The following RAI1 variants were observed in gnomAD, a reference collection of about 807,000 sequenced individuals.
RAI1 encodes retinoic acid-induced protein 1.
A neutral mutation model predicts 123.8 loss-of-function variants in RAI1; 9 were observed. The ratio of observed to expected loss-of-function variants is 0.07; its 90% confidence interval spans 0.04 to 0.13. RAI1 has a LOEUF of 0.13. Ranked by LOEUF, RAI1 falls within the 10% of genes least tolerant of loss-of-function variation. RAI1 has a pLI of 1.00. For synonymous variants in RAI1, 1,231 were observed against 1,127.3 expected (o/e 1.09, Z -1.84); for missense variants, 2,256 against 2,545.8 (o/e 0.89, Z 2.45).
At chr17:17,778,508 A>T in intron 2 of RAI1, 1 of 348,118 alleles carries the variant, frequency 2.9e-6, no homozygotes, top group Non-Finnish European at 5.7e-6. Context: ...GCCCAAGGTC[A>T]CCCAGCATAT....
At chr17:17,725,265 T>C (rs560810955) in intron 2 of RAI1, among the ~76,000 whole-genome samples, 437 of 152,220 alleles carry the variant, frequency 2.9e-3, no homozygotes, top group Non-Finnish European at 4.8e-3. Context: ...CTCAGCCTCC[T>C]CCCCTCTGGT....
In RAI1 at chr17:17,797,493, C is replaced by T. The variant is rs776140898; in HGVS notation, c.4545C>T (p.Pro1515=). ...GLASQPPEGR[P]CQPQTRAQKQ... ...CCTCCCAGCCCCCGGAGGGCAGGCC[C>T]TGCCAGCCCCAGACAAGGGCACAGA... Residue 1515 remains proline, a synonymous_variant, in exon 3 of 6, where the codon CCC becomes CCT. Coordinates refer to ENST00000353383, the MANE Select transcript of RAI1 (RefSeq NM_030665.4). The T allele has an allele frequency of 9.3e-6, 15 of 1,613,224 alleles. No individual in the cohort carries two copies. In the Admixed American group the frequency reaches 1.0e-4, roughly 11 times the overall value.
rs1043490917 is a variant in RAI1 at position 17,714,726 on chromosome 17, C to G, written c.-148-9302C>G. On this transcript the variant is annotated intron_variant, in intron 1 of 5. Coordinates refer to ENST00000353383, the MANE Select transcript of RAI1 (RefSeq NM_030665.4). The surrounding 1 kb of genome is among the most constrained non-coding windows in gnomAD (Gnocchi z 4.9). ...TGAGCAGCAGGCAGCCTCTCCCCTG[C>G]AGAAGGGCACAGAAGCAGGACTGGA... is the stretch of plus-strand genomic sequence containing the variant. Among the ~76,000 whole-genome samples, 3 of 152,184 alleles carry G rather than the reference C, an allele frequency of 2.0e-5. No individual in the cohort carries two copies. The highest frequency in any genetic ancestry group is 4.4e-5 in the Non-Finnish European group (3 of 68,032).
intron 2 of RAI1, among the ~76,000 whole-genome samples, chr17:17,761,250 CT>C (rs56047340): frequency 0.48 from 69,610 of 145,802 alleles, 17,591 homozygotes; most frequent in Non-Finnish European, 0.61. Flanking sequence ...TCTTCTAAGG[CT>C]TTTTTTTTTT....
intron 2 of RAI1, among the ~76,000 whole-genome samples, chr17:17,785,515 A>G (rs571770136): frequency 3.3e-5 from 5 of 152,160 alleles, no homozygotes; most frequent in East Asian, 1.9e-4. Flanking sequence ...TGTACCATCA[A>G]TTATGTAATT....
rs1402694915 is a variant in RAI1 at position 17,799,727 on chromosome 17, TCAGTGACC to T, written c.5565+1218_5565+1225del. On this transcript the variant is annotated intron_variant, in intron 3 of 5. Coordinates refer to ENST00000353383, the MANE Select transcript of RAI1 (RefSeq NM_030665.4). This position sits in a 1 kb window ranked among gnomAD's most constrained non-coding sequence, Gnocchi z 4.5. ...CAAACACTGCCTGCATCTGAGTGATTCAGTGACCCAGCACAGTGGCCCCAGCCGGTGGC... is the reference window on the plus strand; with the variant it reads ...CAAACACTGCCTGCATCTGAGTGATTCAGCACAGTGGCCCCAGCCGGTGGC... Among the ~76,000 whole-genome samples the T allele has an allele frequency of 6.6e-6, 1 of 152,184 alleles. No individual in the cohort carries two copies. The highest frequency in any genetic ancestry group is 2.4e-5 in the African/African-American group (1 of 41,438).
chr17:17,765,766 C>T (rs1280933359), intron 2 of RAI1: 4 of 152,270 alleles, frequency 2.6e-5, no homozygotes, highest in Admixed American at 6.5e-5. Flanking sequence ...CTCTTGGACA[C>T]ACAGGATGAA....
chr17:17,786,120 T>TC lies in RAI1; in HGVS notation c.-16-6805dup, dbSNP rs35385655. 6.3e-3 allele frequency among the ~76,000 whole-genome samples: 955 copies of TC among 151,076 alleles called. 8 individuals are homozygous for TC. The highest frequency in any genetic ancestry group is 0.016 in the African/African-American group (645 of 41,142). On this transcript the variant is annotated intron_variant, in intron 2 of 5. Coordinates refer to ENST00000353383, the MANE Select transcript of RAI1 (RefSeq NM_030665.4). ...TGCTGAGAGGGGCTGCTGCTGCCCC[T>TC]CCCCCCCCACTTTATTTGGGAGCAG...
intron 2 of RAI1, among the ~76,000 whole-genome samples, chr17:17,771,105 C>T (rs1307132653): frequency 6.6e-6 from 1 of 152,172 alleles, no homozygotes; most frequent in Non-Finnish European, 1.5e-5. Flanking sequence ...CAGGGGCACC[C>T]CACTGTTTGG....
chr17:17,766,865 G>A (rs2030954208), intron 2 of RAI1, among the ~76,000 whole-genome samples: 1 of 152,174 alleles, frequency 6.6e-6, no homozygotes, highest in African/African-American at 2.4e-5. Context: ...GATAGATGGT[G>A]GCAGGGGCCA....
At chr17:17,711,490 G>A (rs1046654125) in intron 1 of RAI1, among the ~76,000 whole-genome samples, 1 of 152,240 alleles carries the variant, frequency 6.6e-6, no homozygotes, top group African/African-American at 2.4e-5. Context: ...CCTACGGCAT[G>A]CTGGACACTG....
chr17:17,682,328 C>G (rs1344473154), intron 1 of RAI1, among the ~76,000 whole-genome samples: 1 of 151,060 alleles, frequency 6.6e-6, no homozygotes, highest in Non-Finnish European at 1.5e-5. Flanking sequence ...CTCGGGCTCT[C>G]TGCGGTGTCC....
intron 1 of RAI1, among the ~76,000 whole-genome samples, chr17:17,719,757 T>C (rs953806576): frequency 1.3e-5 from 2 of 152,202 alleles, no homozygotes; most frequent in Non-Finnish European, 2.9e-5. Context: ...AATGGATGCA[T>C]ACTTTTGCCA....
At chr17:17,698,122 T>C (rs1164369339) in intron 1 of RAI1, among the ~76,000 whole-genome samples, 3 of 152,186 alleles carry the variant, frequency 2.0e-5, no homozygotes, top group Non-Finnish European at 4.4e-5. Context: ...GCCATAGCCC[T>C]AATGCAAAGC....
At chr17:17,732,865 C>T (rs2142951848) in intron 2 of RAI1, among the ~76,000 whole-genome samples, 1 of 152,374 alleles carries the variant, frequency 6.6e-6, no homozygotes, top group South Asian at 2.1e-4. Flanking sequence ...CCATCTCTTC[C>T]ACAGAGAGGC....
At position 17,793,493 on chromosome 17, in the gene RAI1, C is replaced by G. The variant is rs1260037619; in HGVS notation, c.545C>G (p.Pro182Arg). Residue 182 changes from proline (P) to arginine (R), a missense_variant, in exon 3 of 6, where the codon CCC becomes CGC. Pro to Arg is a moderately radical substitution (Grantham distance 103). This residue lies in a region of RAI1 where 336 missense variants were observed against 349.8 expected (regional missense o/e 0.96). Coordinates refer to ENST00000353383, the MANE Select transcript of RAI1 (RefSeq NM_030665.4). ...HVQQPPPPQQ[P>R]LAYPKLQRQK... is the part of the protein sequence containing the mutation. ...CAGCAGCCACCGCCGCCCCAGCAGC[C>G]CCTGGCATACCCCAAGCTCCAAAGG... 1 of 1,613,998 alleles carries G rather than the reference C, an allele frequency of 6.2e-7. No individual in the cohort carries two copies. Among genetic ancestry groups the G allele is most frequent in the Non-Finnish European group, 8.5e-7 (1 of 1,180,030 alleles).
intron 2 of RAI1, chr17:17,770,898 GC>G (rs2031133158): frequency 6.6e-6 from 1 of 152,368 alleles, no homozygotes; most frequent in Non-Finnish European, 1.5e-5. Context: ...GCAGGCATGT[GC>G]CCTCCCTCTG....
At chr17:17,774,822 C>T (rs2142996079) in intron 2 of RAI1, among the ~76,000 whole-genome samples, 1 of 152,348 alleles carries the variant, frequency 6.6e-6, no homozygotes, top group East Asian at 1.9e-4. Flanking sequence ...CTGGCATCTG[C>T]GCACCATCGT....
rs767613627 is a variant in RAI1 at position 17,793,401 on chromosome 17, G to T, written c.453G>T (p.Val151=). ...AGAACTTGATGAAAAAGACAGCAGTGCCCCCCAGCAGGCAGTATGCAGAGC... is the reference window on the plus strand; with the variant it reads ...AGAACTTGATGAAAAAGACAGCAGTTCCCCCCAGCAGGCAGTATGCAGAGC... ...YDENLMKKTA[V]PPSRQYAEQG... is the part of the protein sequence containing the mutation. Residue 151 remains valine (V), a synonymous_variant, in exon 3 of 6, where the codon GTG becomes GTT. Coordinates refer to ENST00000353383, the MANE Select transcript of RAI1 (RefSeq NM_030665.4). 1 of 1,613,634 alleles carries T rather than the reference G, an allele frequency of 6.2e-7. No homozygotes were observed. Among genetic ancestry groups the T allele is most frequent in the Non-Finnish European group, 8.5e-7 (1 of 1,179,976 alleles).
Sources: allele counts gnomAD v4.1 joint callset (sites outside exome capture counted in the v4.1 genomes callset), GRCh38; gene constraint gnomAD v4.1.1; regional missense constraint gnomAD v4.1.1; non-coding constraint Gnocchi (gnomAD v3.1); transcripts MANE v1.5; gene names NCBI Gene and HGNC (gene_info 2026-07-23, HGNC 2026-07-21).